Variants in IMMP2L observed in about 807,000 individuals in gnomAD.
IMMP2L encodes the protein inner mitochondrial membrane peptidase subunit 2.
In IMMP2L, 18 loss-of-function variants were observed where a neutral mutation model predicts 19.3. The observed-to-expected ratio is 0.93, with a 90% confidence interval of 0.64 to 1.38. IMMP2L has a LOEUF of 1.38. Ranked by LOEUF, IMMP2L falls within the 40% of genes most tolerant of loss-of-function variation. The probability of loss-of-function intolerance (pLI) is 0.00; values close to 1 mark genes in which losing one functional copy is unlikely to be tolerated. For missense variants in IMMP2L, 233 were observed against 218.2 expected (o/e 1.07, Z -0.43); for synonymous variants, 76 against 73.0 (o/e 1.04, Z -0.21).
At chr7:111,249,745 A>G (rs1394288332) in intron 3 of IMMP2L, among the ~76,000 whole-genome samples, 3 of 152,214 alleles carry the variant, frequency 2.0e-5, no homozygotes, top group South Asian at 2.1e-4. Context: ...TAAACTAGGT[A>G]TTGAAAGAGC....
intron 3 of IMMP2L, among the ~76,000 whole-genome samples, chr7:111,366,136 A>T (rs1408881213): frequency 6.6e-6 from 1 of 152,106 alleles, no homozygotes. Flanking sequence ...TGGATTGCTC[A>T]TTAATAGCAA....
chr7:110,984,695 C>T (rs1821671987), intron 3 of IMMP2L, among the ~76,000 whole-genome samples: 1 of 151,956 alleles, frequency 6.6e-6, no homozygotes, highest in Non-Finnish European at 1.5e-5. Flanking sequence ...ATATTTTCTT[C>T]TTAGTCGGGG....
intron 5 of IMMP2L, among the ~76,000 whole-genome samples, chr7:110,730,330 C>T (rs1393620194): frequency 2.6e-5 from 4 of 152,056 alleles, no homozygotes; most frequent in African/African-American, 7.2e-5. Flanking sequence ...CTGAGTCTCC[C>T]GGCCTTCATC....
At chr7:111,546,259 A>G (rs1048881786) in intron 1 of IMMP2L, among the ~76,000 whole-genome samples, 7 of 152,086 alleles carry the variant, frequency 4.6e-5, no homozygotes, top group African/African-American at 1.7e-4. Flanking sequence ...ACTGACCTCA[A>G]TGAAAATTGC....
intron 3 of IMMP2L, among the ~76,000 whole-genome samples, chr7:111,252,133 TAA>T (rs550524235): frequency 1.4e-5 from 2 of 142,378 alleles, no homozygotes; most frequent in Admixed American, 7.0e-5. Context: ...TTTGGGAGCA[TAA>T]AAAAAAAAAA....
intron 3 of IMMP2L, among the ~76,000 whole-genome samples, chr7:111,038,214 G>A (rs1392367127): frequency 5.3e-5 from 8 of 152,120 alleles, no homozygotes; most frequent in Non-Finnish European, 1.2e-4. Context: ...AAGAGAGTAA[G>A]AATACACTGA....
chr7:111,491,640 C>A (rs1489393103), intron 2 of IMMP2L, among the ~76,000 whole-genome samples: 1 of 152,148 alleles, frequency 6.6e-6, no homozygotes, highest in Non-Finnish European at 1.5e-5. Flanking sequence ...TTTGTCATCA[C>A]AACAGTAGGT....
chr7:111,184,084 A>G (rs530583892), intron 3 of IMMP2L, among the ~76,000 whole-genome samples: 10 of 152,176 alleles, frequency 6.6e-5, no homozygotes, highest in Admixed American at 1.3e-4. Flanking sequence ...AGTAGTTATT[A>G]TATTTTATAT....
At chr7:111,039,166 G>A (rs1444693885) in intron 3 of IMMP2L, among the ~76,000 whole-genome samples, 2 of 152,102 alleles carry the variant, frequency 1.3e-5, no homozygotes, top group African/African-American at 4.8e-5. Flanking sequence ...TGAGTTCACT[G>A]CATCTGTTCC....
intron 3 of IMMP2L, among the ~76,000 whole-genome samples, chr7:111,087,456 G>GAAAAAAAAAAAAAAAAAAAAAA (rs76131476): frequency 2.6e-5 from 2 of 77,938 alleles, no homozygotes; most frequent in Non-Finnish European, 5.6e-5. Flanking sequence ...CTTAAAAAAA[G>GAAAAAAAAAAAAAAAAAAAAAA]AAAAAAAAAA....
chr7:111,122,943 T>C, intron 3 of IMMP2L: 1 of 1,614,022 alleles, frequency 6.2e-7, no homozygotes, highest in Non-Finnish European at 8.5e-7. Flanking sequence ...ATTGTAATGA[T>C]TTAGGTCTTT....
chr7:110,830,289 C>G (rs753816453), intron 5 of IMMP2L, among the ~76,000 whole-genome samples: 13 of 152,218 alleles, frequency 8.5e-5, no homozygotes, highest in Non-Finnish European at 2.9e-5. Context: ...CCTTCACTTT[C>G]CTGTGGACCG....
intron 3 of IMMP2L, among the ~76,000 whole-genome samples, chr7:111,428,539 A>G (rs1836313822): frequency 6.6e-6 from 1 of 150,596 alleles, no homozygotes; most frequent in African/African-American, 2.5e-5. Flanking sequence ...TCTTTTAAAA[A>G]CCTTTTAAAA....
intron 3 of IMMP2L, among the ~76,000 whole-genome samples, chr7:111,007,006 T>C (rs1824361496): frequency 6.6e-6 from 1 of 152,122 alleles, no homozygotes; most frequent in Admixed American, 6.6e-5. Context: ...CTACTTGTAT[T>C]AGTCAGTTTT....
rs527334934 is a variant in IMMP2L, at chr7:110,813,236, A to T, written c.408+73357T>A. ...ATTCAATAACTAATTCTCATTTTAA[A>T]CTGAAACTCCCTCTCTTATTGAATT... On this transcript the variant is annotated intron_variant, in intron 5 of 5. Coordinates refer to ENST00000405709, the MANE Select transcript of IMMP2L (RefSeq NM_032549.4). Among the ~76,000 whole-genome samples the T allele has an allele frequency of 3.3e-5, 5 of 152,142 alleles. No individual in the cohort carries two copies. In the South Asian group the frequency reaches 1.0e-3, roughly 32 times the overall value.
intron 5 of IMMP2L, among the ~76,000 whole-genome samples, chr7:110,739,461 A>G (rs1244042879): frequency 6.6e-6 from 1 of 152,216 alleles, no homozygotes; most frequent in African/African-American, 2.4e-5. Flanking sequence ...CAGTTAAAAA[A>G]GACAAAGGAC....
At chr7:110,861,500 C>G (rs1468445813) in intron 5 of IMMP2L, among the ~76,000 whole-genome samples, 3 of 151,910 alleles carry the variant, frequency 2.0e-5, no homozygotes, top group African/African-American at 7.3e-5. Flanking sequence ...CTCCTAGGCT[C>G]AAGTGATCCA....
chr7:110,874,382 C>T (rs1193442134), intron 5 of IMMP2L, among the ~76,000 whole-genome samples: 1 of 151,940 alleles, frequency 6.6e-6, no homozygotes, highest in East Asian at 1.9e-4. Context: ...GTCTTATGAT[C>T]AAATACCAAA....
At position 110,931,721 on chromosome 7, in the gene IMMP2L, C is replaced by A. The variant is rs1210927758; in HGVS notation, c.305+31779G>T. ...AATCATGTCACCTGCCTGTTTTAAA[C>A]CCTCTCGTGGCTTCCTATCTTACTT... On this transcript the variant is annotated intron_variant, in intron 4 of 5. Transcript: ENST00000405709. Among the ~76,000 whole-genome samples the A allele has an allele frequency of 2.0e-5, 3 of 152,202 alleles. No homozygotes were observed. In the East Asian group the frequency reaches 5.8e-4, roughly 29 times the overall value.
Sources: gnomAD v4.1 joint callset for allele counts (sites outside exome capture counted in the v4.1 genomes callset) on GRCh38, gnomAD v4.1.1 for gene constraint, MANE v1.5 for transcripts, NCBI Gene and HGNC (gene_info 2026-07-23, HGNC 2026-07-21) for gene names.